The following LBH variants were observed in gnomAD, a reference collection of about 807,000 sequenced individuals.
The protein encoded by LBH is LBH regulator of Wnt signaling pathway, also known as protein LBH.
Under a neutral mutation model 12.5 loss-of-function variants are expected in LBH, and 7 were observed. That is an observed-to-expected ratio of 0.56 (90% confidence interval 0.32 to 1.05). The LOEUF is 1.05. Among genes scored for constraint, LBH ranks in the 50% least tolerant of loss-of-function variants. The probability of loss-of-function intolerance (pLI) is 0.04; values close to 1 mark genes in which losing one functional copy is unlikely to be tolerated. For missense variants in LBH, 119 were observed against 138.9 expected (o/e 0.86, Z 0.72); for synonymous variants, 51 against 50.1 (o/e 1.02, Z -0.08).
At chr2:30,245,687 A>G (rs1474862737) in intron 2 of LBH, among the ~76,000 whole-genome samples, 1 of 152,192 alleles carries the variant, frequency 6.6e-6, no homozygotes, top group African/African-American at 2.4e-5. Context: ...ATGTCATCTC[A>G]GGCAACTCAC....
At chr2:30,248,896 A>G (rs1159024292) in intron 2 of LBH, among the ~76,000 whole-genome samples, 1 of 152,198 alleles carries the variant, frequency 6.6e-6, no homozygotes, top group African/African-American at 2.4e-5. Context: ...TTTAAGTTTC[A>G]AGGCTGGAGG....
intron 2 of LBH, among the ~76,000 whole-genome samples, chr2:30,252,437 C>T (rs1471756816): frequency 1.3e-5 from 2 of 152,036 alleles, no homozygotes; most frequent in African/African-American, 2.4e-5. Context: ...CCAGGGCGGG[C>T]GGATCATGAG....
chr2:30,239,926 C>T (rs1677759295), intron 2 of LBH, among the ~76,000 whole-genome samples: 1 of 152,202 alleles, frequency 6.6e-6, no homozygotes, highest in Non-Finnish European at 1.5e-5. Context: ...CATAAGCCCC[C>T]TGGTCACAAC....
At chr2:30,232,534 C>T (rs1677610758) in intron 1 of LBH, 1 of 246,148 alleles carries the variant, frequency 4.1e-6, no homozygotes, top group South Asian at 1.0e-4. Context: ...TTCCTTCCTG[C>T]TCTGGGTTAG....
At chr2:30,232,215 G>A (rs1235241251) in intron 1 of LBH, 98 of 997,264 alleles carry the variant, frequency 9.8e-5, no homozygotes, top group Non-Finnish European at 1.2e-4. Context: ...TGGTGCGGCC[G>A]CAGGGTTTGC....
rs541443676 is a variant in LBH, at chr2:30,234,362, A to G, written c.27-43A>G. 14 of 1,443,452 alleles carry G rather than the reference A, an allele frequency of 9.7e-6. No homozygotes were observed. In the East Asian group the frequency reaches 2.5e-4, roughly 26 times the overall value. 89.4% of individuals were successfully genotyped at this position (1,443,452 alleles called of 1,614,324 possible). On this transcript the variant is annotated intron_variant, in intron 1 of 2. Transcript: ENST00000395323. ...AATGCATGAAGAGTTAGGAATGTGA[A>G]AGCGCGTGTGTTTGTTGACTTTTGG...
intron 2 of LBH, among the ~76,000 whole-genome samples, chr2:30,235,007 G>C (rs1171263259): frequency 1.3e-5 from 2 of 152,182 alleles, no homozygotes; most frequent in African/African-American, 2.4e-5. Flanking sequence ...TGTTGATTCA[G>C]AGTTAACATT....
chr2:30,254,806 G>C (rs1342890603), intron 2 of LBH, among the ~76,000 whole-genome samples: 6 of 152,216 alleles, frequency 3.9e-5, no homozygotes, highest in African/African-American at 1.4e-4. Flanking sequence ...TCTTCACAGG[G>C]CAGGTCCCCC....
intron 2 of LBH, among the ~76,000 whole-genome samples, chr2:30,234,964 A>G (rs774674525): frequency 6.6e-6 from 1 of 152,178 alleles, no homozygotes; most frequent in Non-Finnish European, 1.5e-5. Context: ...GCCATGTCCA[A>G]TGCTGCTTTC....
chr2:30,255,702 C>T (rs559261143), intron 2 of LBH, among the ~76,000 whole-genome samples: 146 of 152,218 alleles, frequency 9.6e-4, no homozygotes, highest in African/African-American at 3.3e-3. Flanking sequence ...GCAATAAGAC[C>T]GGGTATCCTC....
intron 2 of LBH, among the ~76,000 whole-genome samples, chr2:30,253,782 A>T (rs1678028710): frequency 6.6e-6 from 1 of 152,182 alleles, no homozygotes; most frequent in African/African-American, 2.4e-5. Context: ...AAAGTATTTT[A>T]TCATCTTTAT....
rs527933090 is a variant in LBH at position 30,257,963 on chromosome 2, A to G, written c.*342A>G. On this transcript the variant is annotated 3_prime_UTR_variant, in exon 3 of 3. Coordinates refer to ENST00000395323, the MANE Select transcript of LBH (RefSeq NM_030915.4). ...TAGTAGAGGCAGTGGTGGGATTCCA[A>G]TGGGTCTTGGTGGGTGGGAGGTGGG... 8.2e-5 allele frequency: 16 copies of G among 195,424 alleles called. No individual in the cohort carries two copies. Among genetic ancestry groups the G allele is most frequent in the East Asian group, 1.4e-4 (1 of 7,030 alleles). The allele number at this position is 195,424 out of a possible 1,614,324, so 12.1% of individuals were successfully genotyped here.
At position 30,258,141 on chromosome 2, in the gene LBH, A is replaced by G. The variant is rs1299727169; in HGVS notation, c.*520A>G. The G allele has an allele frequency of 6.5e-6, 1 of 154,256 alleles. No homozygotes were observed. Among genetic ancestry groups the G allele is most frequent in the Non-Finnish European group, 1.4e-5 (1 of 69,474 alleles). 9.6% of individuals were successfully genotyped at this position (154,256 alleles called of 1,614,324 possible). On this transcript the variant is annotated 3_prime_UTR_variant, in exon 3 of 3. Coordinates refer to ENST00000395323, the MANE Select transcript of LBH (RefSeq NM_030915.4). Reference sequence around the variant, plus strand: ...TCTGGCTGCTGGGACATCAGAAAACAAAGTCTTCATCTCTCTCTCCAGTTT... The same window carrying G: ...TCTGGCTGCTGGGACATCAGAAAACGAAGTCTTCATCTCTCTCTCCAGTTT...
chr2:30,251,421 CATTT>C (rs1479818174), intron 2 of LBH, among the ~76,000 whole-genome samples: 3 of 152,092 alleles, frequency 2.0e-5, no homozygotes, highest in Non-Finnish European at 2.9e-5. Context: ...CAAGTGAATT[CATTT>C]GAGTTCCCAA....
At chr2:30,245,829 C>T (rs1487426642) in intron 2 of LBH, among the ~76,000 whole-genome samples, 1 of 152,204 alleles carries the variant, frequency 6.6e-6, no homozygotes, top group East Asian at 1.9e-4. Context: ...GTTTAAAAAA[C>T]AAAAGCAACA....
At chr2:30,237,924 G>A (rs1163945449) in intron 2 of LBH, among the ~76,000 whole-genome samples, 1 of 152,190 alleles carries the variant, frequency 6.6e-6, no homozygotes, top group Non-Finnish European at 1.5e-5. Context: ...CTCACCAGCT[G>A]AGTGGGGAGG....
chr2:30,249,974 T>G (rs13030740), intron 2 of LBH, among the ~76,000 whole-genome samples: 1 of 152,042 alleles, frequency 6.6e-6, no homozygotes, highest in African/African-American at 2.4e-5. Context: ...CACTGTGACC[T>G]TGCCAACCAT....
At chr2:30,249,839 T>C (rs1677947594) in intron 2 of LBH, among the ~76,000 whole-genome samples, 1 of 152,172 alleles carries the variant, frequency 6.6e-6, no homozygotes, top group Admixed American at 6.5e-5. Flanking sequence ...TACCTGTGTT[T>C]GATTCTCTCC....
intron 2 of LBH, among the ~76,000 whole-genome samples, chr2:30,243,995 T>C (rs13408775): frequency 0.01 from 1,548 of 152,320 alleles, 29 homozygotes; most frequent in African/African-American, 0.035. Flanking sequence ...TTTACAAAGT[T>C]CATTTAGGTG....
Sources: gnomAD v4.1 joint callset for allele counts (sites outside exome capture counted in the v4.1 genomes callset) on GRCh38, gnomAD v4.1.1 for gene constraint, MANE v1.5 for transcripts, NCBI Gene and HGNC (gene_info 2026-07-23, HGNC 2026-07-21) for gene names.